Variants in KIAA2012 observed in about 807,000 individuals in gnomAD.
KIAA2012 encodes uncharacterized protein KIAA2012.
Under a neutral mutation model 150.6 loss-of-function variants are expected in KIAA2012, and 125 were observed. The ratio of observed to expected loss-of-function variants is 0.83; its 90% CI spans 0.72 to 0.96. The LOEUF (loss-of-function observed/expected upper bound fraction) is 0.96. Ranked by LOEUF, KIAA2012 falls within the 40% of genes least tolerant of loss-of-function variation. The pLI is 0.00. For synonymous variants in KIAA2012, 462 were observed against 504.7 expected (o/e 0.92, Z 1.13); for missense variants, 1,219 against 1,354.9 (o/e 0.90, Z 1.57).
chr2:202,100,283 C>A, intron 6 of KIAA2012, 24 bp from the exon 7 acceptor site: 3 of 1,544,834 alleles, frequency 1.9e-6, no homozygotes, highest in Non-Finnish European at 2.6e-6. Flanking sequence ...TTAATATATT[C>A]TCATTCTCAT....
rs759895283 is a variant in KIAA2012 at position 202,097,525 on chromosome 2, G to A, written c.776G>A (p.Arg259His). 48 of 1,550,352 alleles carry A rather than the reference G, an allele frequency of 3.1e-5. No individual in the cohort carries two copies. In the East Asian group the frequency reaches 8.1e-4, roughly 26 times the overall value. The change falls in exon 5 of 24, where the codon CGC (arginine) becomes CAC (histidine). Residue 259 changes from arginine to histidine, a missense_variant. By Grantham distance (29) the Arg-to-His change is conservative. Coordinates refer to ENST00000498697, the MANE Select transcript of KIAA2012 (RefSeq NM_001277372.4). Reference protein sequence around the residue: ...LAKNHGSQGTRLPPRRKQPWQ... With the variant: ...LAKNHGSQGTHLPPRRKQPWQ... ...AAGAACCATGGCAGTCAGGGGACTC[G>A]CTTGCCACCACGCAGGAAGCAGCCC...
At chr2:202,143,973 T>C (rs1691250432) in intron 13 of KIAA2012, among the ~76,000 whole-genome samples, 1 of 152,190 alleles carries the variant, frequency 6.6e-6, no homozygotes, top group African/African-American at 2.4e-5. Context: ...CCCACTTGTT[T>C]ATAGAGCTGT....
intron 12 of KIAA2012, among the ~76,000 whole-genome samples, chr2:202,133,109 A>AAAATATATAT (rs766606713): frequency 6.8e-5 from 6 of 87,880 alleles, no homozygotes; most frequent in East Asian, 2.8e-4. Flanking sequence ...TCTAAAAAAA[A>AAAATATATAT]ATATATATAT....
chr2:202,179,726 A>G (rs188376642), intron 15 of KIAA2012: 2 of 658,418 alleles, frequency 3.0e-6, no homozygotes, highest in East Asian at 7.7e-5. Context: ...GGACAACCAT[A>G]TTTATTTCAG....
At chr2:202,075,999 C>T (rs1420030848) in intron 2 of KIAA2012, among the ~76,000 whole-genome samples, 5 of 152,240 alleles carry the variant, frequency 3.3e-5, no homozygotes, top group Non-Finnish European at 7.3e-5. Context: ...AAGGCCCCAC[C>T]CATGTGATTA....
chr2:202,138,343 G>GGGGT (rs1553557810), intron 12 of KIAA2012, 89 bp from the exon 13 acceptor site: 14 of 762,516 alleles, frequency 1.8e-5, no homozygotes, highest in South Asian at 4.9e-5. Context: ...ATATGAACTA[G>GGGGT]GTGTGTGTGT....
chr2:202,115,790 T>G (rs890909675), intron 11 of KIAA2012: 5 of 151,154 alleles, frequency 3.3e-5, no homozygotes, highest in African/African-American at 1.2e-4. Context: ...AGGAATACGA[T>G]CCATCTGATC....
chr2:202,107,195 C>T (rs949749369), intron 9 of KIAA2012, among the ~76,000 whole-genome samples: 3 of 151,656 alleles, frequency 2.0e-5, no homozygotes, highest in Admixed American at 6.6e-5. Flanking sequence ...CATTCCCTTT[C>T]AGTATAAGCC....
intron 12 of KIAA2012, 56 bp from the exon 13 acceptor site, chr2:202,138,376 C>T (rs1168524873): frequency 1.6e-6 from 2 of 1,288,134 alleles, no homozygotes; most frequent in Non-Finnish European, 2.2e-6. Context: ...TATAAAAAGT[C>T]ATGAGATCCA....
At chr2:202,127,377 GCT>G (rs1264457515) in intron 12 of KIAA2012, among the ~76,000 whole-genome samples, 2 of 152,178 alleles carry the variant, frequency 1.3e-5, no homozygotes, top group African/African-American at 4.8e-5. Flanking sequence ...TCAGATAGTT[GCT>G]CTCTTGCAAC....
chr2:202,150,530 C>T (rs929188213), intron 13 of KIAA2012, among the ~76,000 whole-genome samples: 4 of 151,948 alleles, frequency 2.6e-5, no homozygotes, highest in African/African-American at 4.8e-5. Context: ...CTCACTATAA[C>T]GCTCACCTCC....
intron 19 of KIAA2012, among the ~76,000 whole-genome samples, chr2:202,190,968 C>T (rs1484190602): frequency 6.6e-6 from 1 of 152,108 alleles, no homozygotes; most frequent in East Asian, 1.9e-4. Flanking sequence ...AGCCTGTACA[C>T]ATATACCTGC....
intron 14 of KIAA2012, among the ~76,000 whole-genome samples, chr2:202,156,752 G>T (rs539665618): frequency 6.6e-6 from 1 of 152,276 alleles, no homozygotes; most frequent in South Asian, 2.1e-4. Flanking sequence ...GGGTGTGGTG[G>T]TGGGCACCTG....
intron 14 of KIAA2012, among the ~76,000 whole-genome samples, chr2:202,156,029 G>T (rs1691518595): frequency 6.6e-6 from 1 of 152,154 alleles, no homozygotes; most frequent in Admixed American, 6.6e-5. Context: ...GAAGAGAAAG[G>T]ATGTCTGACA....
At chr2:202,098,488 A>T (rs1345943227) in intron 5 of KIAA2012, among the ~76,000 whole-genome samples, 1 of 152,258 alleles carries the variant, frequency 6.6e-6, no homozygotes, top group East Asian at 1.9e-4. Context: ...CATAGTCACC[A>T]GCTTAACTTT....
intron 2 of KIAA2012, among the ~76,000 whole-genome samples, chr2:202,082,739 C>G (rs1402161841): frequency 6.6e-6 from 1 of 151,818 alleles, no homozygotes; most frequent in African/African-American, 2.4e-5. Context: ...GTTGTAAACT[C>G]TAGGGGAAAA....
intron 15 of KIAA2012, among the ~76,000 whole-genome samples, chr2:202,182,578 G>A (rs1401762119): frequency 6.6e-6 from 1 of 152,116 alleles, no homozygotes. Context: ...CATTTGAGCT[G>A]TTTCAGTTTT....
At chr2:202,175,957 C>A (rs2105733137) in intron 15 of KIAA2012, among the ~76,000 whole-genome samples, 1 of 152,188 alleles carries the variant, frequency 6.6e-6, no homozygotes, top group African/African-American at 2.4e-5. Context: ...ATGGCAATGG[C>A]ATTATAAAGG....
intron 22 of KIAA2012, among the ~76,000 whole-genome samples, chr2:202,198,735 C>T (rs1173719490): frequency 6.6e-6 from 1 of 152,166 alleles, no homozygotes; most frequent in Non-Finnish European, 1.5e-5. Context: ...AGGCACAACC[C>T]CGAAAACCGT....
Sources: gnomAD v4.1 joint callset for allele counts (sites outside exome capture counted in the v4.1 genomes callset) on GRCh38, gnomAD v4.1.1 for gene constraint, MANE v1.5 for transcripts, NCBI Gene and HGNC (gene_info 2026-07-23, HGNC 2026-07-21) for gene names.